Variants in HAP1 observed in about 807,000 individuals in gnomAD.
The protein encoded by HAP1 is huntingtin associated protein 1.
HAP1 carries 59 observed loss-of-function variants against 60.3 expected under a neutral mutation model. The ratio of observed to expected loss-of-function variants is 0.98; its 90% CI spans 0.79 to 1.22. HAP1 has a LOEUF of 1.22. Ranked by LOEUF, HAP1 falls within the 50% of genes most tolerant of loss-of-function variation. The pLI is 0.00. For synonymous variants in HAP1, 346 were observed against 330.6 expected (o/e 1.05, Z -0.50); for missense variants, 825 against 785.3 (o/e 1.05, Z -0.60).
In HAP1 at chr17:41,731,979, T is replaced by C. The variant is rs1555591134; in HGVS notation, c.854A>G (p.Glu285Gly). The C allele has an allele frequency of 8.4e-7, 1 of 1,190,664 alleles. No individual in the cohort carries two copies. Among genetic ancestry groups the C allele is most frequent in the South Asian group, 1.3e-5 (1 of 79,642 alleles). The allele number at this position is 1,190,664 out of a possible 1,614,324, so 73.8% of individuals were successfully genotyped here. A position where few individuals can be genotyped will look rare whatever the true frequency, so the allele number is the denominator to read the frequency against. Residue 285 changes from glutamate to glycine, a missense_variant, in exon 4 of 11, where the codon GAG becomes GGG. Glu to Gly is a moderately conservative substitution (Grantham distance 98, BLOSUM62 -2). Transcript: ENST00000347901. ...GGGATGAGCACACTGCAGGTCTTCCTCTGCTTCTTCTTCTTCCTGTTCCTC... is the reference window on the plus strand; with the variant it reads ...GGGATGAGCACACTGCAGGTCTTCCCCTGCTTCTTCTTCTTCCTGTTCCTC... ...AEEEQEEEEA[E>G]EDLQCAHPCD...
chr17:41,717,948 C>T (rs1555586274), downstream of HAP1: 1 of 467,746 alleles, frequency 2.1e-6, no homozygotes, highest in South Asian at 1.6e-5. Context: ...GACACCATTA[C>T]CTTGAGCTAC....
At chr17:41,729,749 G>A (rs1387332100) in intron 6 of HAP1, among the ~76,000 whole-genome samples, 2 of 149,224 alleles carry the variant, frequency 1.3e-5, no homozygotes, top group Non-Finnish European at 3.0e-5. Context: ...GGTAGCACAG[G>A]CCTGTAATCC....
chr17:41,731,991 T>A lies in HAP1; in HGVS notation c.842A>T (p.Glu281Val). The A allele has an allele frequency of 7.8e-7, 1 of 1,277,160 alleles. No individual in the cohort carries two copies. Among genetic ancestry groups the A allele is most frequent in the Non-Finnish European group, 1.1e-6 (1 of 880,524 alleles). The allele number at this position is 1,277,160 out of a possible 1,614,324, so 79.1% of individuals were successfully genotyped here. Residue 281 changes from glutamate (E) to valine (V), a missense_variant, in exon 4 of 11, where the codon GAA becomes GTA. Transcript: ENST00000347901. ...CTGCAGGTCTTCCTCTGCTTCTTCT[T>A]CTTCCTGTTCCTCTTCTGCCTCCTT... Reference protein sequence around the residue: ...EEKEAEEEQEEEEAEEDLQCA... With the variant: ...EEKEAEEEQEVEEAEEDLQCA...
At position 41,731,995 on chromosome 17, in the gene HAP1, C is replaced by T. The variant is rs782647565; in HGVS notation, c.838G>A (p.Glu280Lys). The change falls in exon 4 of 11, where the codon GAA becomes AAA. Residue 280 changes from glutamate to lysine, a missense_variant. By Grantham distance (56) the Glu-to-Lys change is moderately conservative (BLOSUM62 1). Transcript: ENST00000347901. ...EEEKEAEEEQ[E>K]EEEAEEDLQC... ...AGGTCTTCCTCTGCTTCTTCTTCTT[C>T]CTGTTCCTCTTCTGCCTCCTTTTCT... is the stretch of plus-strand genomic sequence containing the variant. 8 of 1,297,254 alleles carry T rather than the reference C, an allele frequency of 6.2e-6. 1 individual carries two copies. In the South Asian group the frequency reaches 8.4e-5, roughly 14 times the overall value. The allele number at this position is 1,297,254 out of a possible 1,614,324, so 80.4% of individuals were successfully genotyped here.
intron 9 of HAP1, among the ~76,000 whole-genome samples, chr17:41,726,514 A>T (rs144123723): frequency 6.6e-6 from 1 of 151,238 alleles, no homozygotes; most frequent in Non-Finnish European, 1.5e-5. Flanking sequence ...GTGAGCCAAG[A>T]TCTCGCCACT....
At chr17:41,729,261 G>C (rs1911930582) in intron 6 of HAP1, among the ~76,000 whole-genome samples, 1 of 151,080 alleles carries the variant, frequency 6.6e-6, no homozygotes, top group Non-Finnish European at 1.5e-5. Context: ...TAAGAAATGA[G>C]GTCTTGGGAC....
chr17:41,725,350 C>G (rs1911550999), intron 10 of HAP1, among the ~76,000 whole-genome samples, 196 bp from the exon 11 acceptor site: 1 of 152,104 alleles, frequency 6.6e-6, no homozygotes, highest in East Asian at 1.9e-4. Context: ...GAATGGTCAC[C>G]AACACTGCAT....
chr17:41,722,097 C>G (rs1001046677), downstream of HAP1: 6 of 151,882 alleles, frequency 4.0e-5, no homozygotes, highest in Admixed American at 2.6e-4. Context: ...AGGCTGGTCT[C>G]GAACTCCTGA....
downstream of HAP1, among the ~76,000 whole-genome samples, chr17:41,719,146 T>C (rs1911097240): frequency 6.6e-6 from 1 of 151,944 alleles, no homozygotes. Context: ...GCCAGGCTAA[T>C]TTTTGTACTT....
intron 3 of HAP1, 51 bp from the exon 4 acceptor site, chr17:41,732,169 AG>A: frequency 1.2e-6 from 2 of 1,608,736 alleles, no homozygotes; most frequent in African/African-American, 2.7e-5. Context: ...GGGACAGGAG[AG>A]GGTCCTGGCA....
Position 41,734,251 on chromosome 17 carries a change from G to A in HAP1, c.384C>T (p.Ile128=), listed in dbSNP as rs1451714669. 2 of 1,602,546 alleles carry A rather than the reference G, an allele frequency of 1.2e-6. No individual in the cohort carries two copies. ...TGRGTGKAAG[I]WKTPAAYVGR... ...CAACGTAGGCGGCTGGCGTCTTCCA[G>A]ATGCCCGCTGCCTTTCCAGTCCCCC... The change falls in exon 1 of 11, where the codon ATC becomes ATT. Residue 128 remains isoleucine, a synonymous_variant. Transcript: ENST00000347901.
chr17:41,733,053 G>GTTTTTTTT (rs1912375514), intron 1 of HAP1, among the ~76,000 whole-genome samples: 1 of 28,606 alleles, frequency 3.5e-5, no homozygotes, highest in Admixed American at 3.8e-4. Flanking sequence ...TTTTTTTTTT[G>GTTTTTTTT]GTTTTTTTTT....
chr17:41,732,598 A>T, intron 2 of HAP1, 121 bp downstream of exon 2: 1 of 1,006,076 alleles, frequency 9.9e-7, no homozygotes, highest in Non-Finnish European at 1.6e-6. Flanking sequence ...CCTGTCTTCC[A>T]TAAGAAGGAC....
In HAP1 at chr17:41,727,096, A is replaced by G. The variant is rs782667844; in HGVS notation, c.1324T>C (p.Ser442Pro). Residue 442 changes from serine to proline, a missense_variant, in exon 9 of 11, where the codon TCT becomes CCT. Coordinates refer to ENST00000347901, the MANE Select transcript of HAP1 (RefSeq NM_177977.3). ...QETLAEELRT[S>P]LRRMISDPVY... ...GGGTCTGAGATCATCCTCCTTAGAG[A>G]CGTTCTGAGCTCCTCAGCCAGCGTC... 5 of 1,593,422 alleles carry G rather than the reference A, an allele frequency of 3.1e-6. No homozygotes were observed. The Middle Eastern group carries it at 5.0e-4, about 158-fold the overall frequency.
downstream of HAP1, chr17:41,717,885 G>A (rs7212417): frequency 0.85 from 357,926 of 422,744 alleles, 152,361 homozygotes; most frequent in Middle Eastern, 0.93. Context: ...TGAGTGGCTG[G>A]TGCAGGCATT....
intron 6 of HAP1, chr17:41,730,377 GA>G (rs1912100172): frequency 6.6e-6 from 1 of 152,326 alleles, no homozygotes; most frequent in African/African-American, 2.4e-5. Flanking sequence ...GAGTAGCTGG[GA>G]CCACAGGTGG....
chr17:41,730,395 C>T (rs1912101959), intron 6 of HAP1: 1 of 152,294 alleles, frequency 6.6e-6, no homozygotes, highest in African/African-American at 2.4e-5. Context: ...GTGGGAGCCC[C>T]TGCACCTGGC....
At position 41,724,714 on chromosome 17, in the gene HAP1, G is replaced by C. The variant is rs34381648; in HGVS notation, c.1847C>G (p.Ser616Trp). 2 of 1,592,384 alleles carry C rather than the reference G, an allele frequency of 1.3e-6. No individual in the cohort carries two copies. The highest frequency in any genetic ancestry group is 1.7e-5 in the Admixed American group (1 of 59,564). ...CACCCTCTCTTTTCATCGGCACGACGATCTGCAGCTTGTCCGGCTGGCGGC... is the reference window on the plus strand; with the variant it reads ...CACCCTCTCTTTTCATCGGCACGACCATCTGCAGCTTGTCCGGCTGGCGGC... ...LPAASRTSCR[S>W]SCR The change falls in exon 11 of 11, where the codon TCG (serine) becomes TGG (tryptophan). Residue 616 changes from serine to tryptophan, a missense_variant. Coordinates refer to ENST00000347901, the MANE Select transcript of HAP1 (RefSeq NM_177977.3).
chr17:41,734,612 C>A lies in HAP1; in HGVS notation c.23G>T (p.Arg8Leu), dbSNP rs62065876. MRPKRLG[R>L]CCAGSRLGPG... ...TCCGAGCCGGCTCCCCGCGCAGCAC[C>A]GGCCCAACCTCTTCGGGCGCATCTC... Residue 8 changes from arginine to leucine, a missense_variant, in exon 1 of 11, where the codon CGG (arginine) becomes CTG (leucine). Coordinates refer to ENST00000347901, the MANE Select transcript of HAP1 (RefSeq NM_177977.3). 8 of 1,553,156 alleles carry A rather than the reference C, an allele frequency of 5.2e-6. No individual in the cohort carries two copies. In the East Asian group the frequency reaches 1.8e-4, roughly 36 times the overall value.
Sources: gnomAD v4.1 joint callset for allele counts (sites outside exome capture counted in the v4.1 genomes callset) on GRCh38, gnomAD v4.1.1 for gene constraint, MANE v1.5 for transcripts, NCBI Gene and HGNC (gene_info 2026-07-23, HGNC 2026-07-21) for gene names.